The following COA1 variants were observed in gnomAD, a reference collection of about 807,000 sequenced individuals.
COA1 encodes cytochrome c oxidase assembly factor 1 homolog.
Under a neutral mutation model 16.0 loss-of-function variants are expected in COA1, and 13 were observed. The ratio of observed to expected loss-of-function variants is 0.81; its 90% CI spans 0.53 to 1.29. COA1 has a LOEUF of 1.29. Among genes scored for constraint, COA1 ranks in the 50% most tolerant of loss-of-function variants. The probability of loss-of-function intolerance (pLI) is 0.00; values close to 1 mark genes in which losing one functional copy is unlikely to be tolerated. For synonymous variants in COA1, 65 were observed against 65.7 expected, an observed-to-expected ratio of 0.99 and a Z score of 0.05; for missense variants, 179 against 177.0, an observed-to-expected ratio of 1.01 and a Z score of -0.06.
chr7:43,624,577 A>C, intron 6 of COA1: 1 of 1,614,152 alleles, frequency 6.2e-7, no homozygotes, highest in Non-Finnish European at 8.5e-7. Flanking sequence ...AGCAGTATTC[A>C]AGAGCCTTCT....
At chr7:43,628,658 G>A (rs183063049) in intron 6 of COA1, among the ~76,000 whole-genome samples, 1 of 152,258 alleles carries the variant, frequency 6.6e-6, no homozygotes, top group African/African-American at 2.4e-5. Flanking sequence ...TGGATATGTG[G>A]CGGTATCTCA....
chr7:43,653,948 T>C (rs2091306440), intron 1 of COA1, among the ~76,000 whole-genome samples: 1 of 152,118 alleles, frequency 6.6e-6, no homozygotes, highest in African/African-American at 2.4e-5. Flanking sequence ...AGAAATTCCA[T>C]TTAAAATACC....
intron 1 of COA1, among the ~76,000 whole-genome samples, chr7:43,657,507 AC>A (rs2091892841): frequency 6.6e-6 from 1 of 152,218 alleles, no homozygotes; most frequent in Non-Finnish European, 1.5e-5. Context: ...AACAGTTGTT[AC>A]CCATTCATTC....
rs200980304 is a variant in COA1, at chr7:43,624,611, A to G, written c.*133+14838T>C. On this transcript the variant is annotated intron_variant and NMD_transcript_variant, in intron 6 of 6. Transcript: ENST00000415076. Reference sequence around the variant, plus strand: ...CTTTCAGGATGGAAAAGGCACTAGAAGAAGCAAATGCCCTCCAAGAAGGTC... The same window carrying G: ...CTTTCAGGATGGAAAAGGCACTAGAGGAAGCAAATGCCCTCCAAGAAGGTC... 4.5e-5 allele frequency: 72 copies of G among 1,614,158 alleles called. 1 individual carries two copies. The Admixed American group carries it at 1.1e-3, about 25-fold the overall frequency.
chr7:43,693,764 C>T (rs1257069233), intron 1 of COA1, among the ~76,000 whole-genome samples: 1 of 152,062 alleles, frequency 6.6e-6, no homozygotes, highest in African/African-American at 2.4e-5. Context: ...TCACCAGGAA[C>T]CCCAATCCTG....
chr7:43,689,184 G>A (rs2094167573), intron 1 of COA1, among the ~76,000 whole-genome samples: 1 of 152,184 alleles, frequency 6.6e-6, no homozygotes. Flanking sequence ...GATTCCATTT[G>A]AGCACAGAAA....
intron 1 of COA1, chr7:43,711,269 G>A (rs1467588261): frequency 1.3e-5 from 2 of 151,874 alleles, no homozygotes; most frequent in Non-Finnish European, 2.9e-5. Context: ...AGAGAGCATG[G>A]TTAACTCAAT....
intron 6 of COA1, chr7:43,631,189 C>G (rs1222546209): frequency 6.6e-6 from 1 of 152,144 alleles, no homozygotes; most frequent in Non-Finnish European, 1.5e-5. Flanking sequence ...ATTACCCCAT[C>G]AATCCTGAAG....
At chr7:43,618,045 A>G (rs750482944) in intron 6 of COA1, among the ~76,000 whole-genome samples, 2 of 152,242 alleles carry the variant, frequency 1.3e-5, no homozygotes, top group Non-Finnish European at 2.9e-5. Flanking sequence ...GTGGAATGAG[A>G]GGACAGAAGT....
At chr7:43,728,993 G>A (rs1442855290) in intron 1 of COA1, among the ~76,000 whole-genome samples, 2 of 152,184 alleles carry the variant, frequency 1.3e-5, no homozygotes, top group Middle Eastern at 3.2e-3. Context: ...TGTTATTCAA[G>A]TGTGGTGGGG....
At chr7:43,716,235 G>T (rs1202756544) in intron 1 of COA1, among the ~76,000 whole-genome samples, 2 of 152,126 alleles carry the variant, frequency 1.3e-5, no homozygotes, top group Non-Finnish European at 2.9e-5. Context: ...AGTTTGGAGG[G>T]CTCAAAAGAA....
At chr7:43,652,222 T>A (rs2090960492) in intron 1 of COA1, among the ~76,000 whole-genome samples, 1 of 152,210 alleles carries the variant, frequency 6.6e-6, no homozygotes, top group Non-Finnish European at 1.5e-5. Context: ...ACAGGCCATG[T>A]GACATTCCCA....
At chr7:43,674,574 G>A (rs2129757728) in intron 1 of COA1, among the ~76,000 whole-genome samples, 1 of 152,340 alleles carries the variant, frequency 6.6e-6, no homozygotes, top group East Asian at 1.9e-4. Flanking sequence ...TGTGGGCAAT[G>A]TGATGATAAA....
intron 1 of COA1, among the ~76,000 whole-genome samples, chr7:43,718,039 A>G (rs1051132964): frequency 1.3e-5 from 2 of 152,202 alleles, no homozygotes; most frequent in South Asian, 4.1e-4. Context: ...GCCCAGTCTC[A>G]GGTATGTCTT....
At chr7:43,687,976 G>A (rs1005190680) in intron 1 of COA1, among the ~76,000 whole-genome samples, 3 of 152,170 alleles carry the variant, frequency 2.0e-5, no homozygotes, top group Admixed American at 6.5e-5. Flanking sequence ...CTATTCTCTT[G>A]ATAGTGAATA....
chr7:43,623,759 T>C, intron 6 of COA1: 1 of 1,607,748 alleles, frequency 6.2e-7, no homozygotes, highest in Non-Finnish European at 8.5e-7. Context: ...TCACCTTTCT[T>C]AGGCAATGAT....
At position 43,688,735 on chromosome 7, in the gene COA1, C is replaced by T. The variant is rs796150444; in HGVS notation, c.-38-40083G>A. ...CCTGTCATTCTCAAAATGCACCTTC[C>T]ACTTCCAGGCCCAAAATGGCTGTTT... On this transcript the variant is annotated intron_variant, in intron 1 of 5. Coordinates refer to ENST00000223336, the MANE Select transcript of COA1 (RefSeq NM_018224.4). Among the ~76,000 whole-genome samples the T allele has an allele frequency of 2.0e-5, 3 of 152,158 alleles. No homozygotes were observed. The East Asian group carries it at 5.8e-4, about 29-fold the overall frequency.
At chr7:43,685,210 C>T (rs1043028971) in intron 1 of COA1, among the ~76,000 whole-genome samples, 3 of 151,704 alleles carry the variant, frequency 2.0e-5, no homozygotes, top group Non-Finnish European at 4.4e-5. Flanking sequence ...CTTATAACCT[C>T]TCCACCATGG....
intron 6 of COA1, among the ~76,000 whole-genome samples, chr7:43,620,720 T>C (rs1002942699): frequency 6.6e-6 from 1 of 151,234 alleles, no homozygotes; most frequent in Non-Finnish European, 1.5e-5. Context: ...AGTGGTGAAA[T>C]AGCTCTTTGT....
Sources: gnomAD v4.1 joint callset for allele counts (sites outside exome capture counted in the v4.1 genomes callset) on GRCh38, gnomAD v4.1.1 for gene constraint, MANE v1.5 for transcripts, NCBI Gene and HGNC (gene_info 2026-07-23, HGNC 2026-07-21) for gene names.